The following ARFGEF2 variants were observed in gnomAD, a reference collection of about 807,000 sequenced individuals.
ARFGEF2 encodes brefeldin A-inhibited guanine nucleotide-exchange protein 2.
ARFGEF2 carries 74 observed loss-of-function variants against 219.9 expected under a neutral mutation model. That is an observed-to-expected ratio of 0.34 (90% CI 0.28 to 0.41). ARFGEF2 has a LOEUF of 0.41. ARFGEF2 is among the 10% of genes least tolerant of loss of function. The pLI, the probability that ARFGEF2 is intolerant of heterozygous loss-of-function variation, is 1.00. For synonymous variants in ARFGEF2, 733 were observed against 799.2 expected (o/e 0.92, Z 1.40); for missense variants, 1,743 against 2,218.3 (o/e 0.79, Z 4.30).
chr20:48,976,185 A>G lies in ARFGEF2; in HGVS notation c.1944A>G (p.Glu648=). ...EVIKQQKEII[E]HGIELFNKKP... ...TCAAGCAACAAAAAGAAATCATTGA[A>G]CACGGCATCGAGCTGTGAGTGGGGC... Residue 648 remains glutamate (E), a synonymous_variant, in exon 14 of 39, where the codon GAA becomes GAG. Transcript: ENST00000371917. 2 of 1,614,074 alleles carry G rather than the reference A, an allele frequency of 1.2e-6. No individual in the cohort carries two copies. Among genetic ancestry groups the G allele is most frequent in the Non-Finnish European group, 1.7e-6 (2 of 1,180,026 alleles).
Position 48,974,861 on chromosome 20 carries a change from C to T in ARFGEF2, c.1761C>T (p.His587=), listed in dbSNP as rs765054161. Residue 587 remains histidine, a synonymous_variant, in exon 13 of 39, where the codon CAC becomes CAT. Coordinates refer to ENST00000371917, the MANE Select transcript of ARFGEF2 (RefSeq NM_006420.3). ...WSKDLYVNPN[H]QTSLGQERLT... is the part of the protein sequence containing the mutation. ...AAGACCTGTATGTGAATCCCAACCACCAGACCAGCCTCGGTGAGACAGCAT... is the reference window on the plus strand; with the variant it reads ...AAGACCTGTATGTGAATCCCAACCATCAGACCAGCCTCGGTGAGACAGCAT... 3.1e-6 allele frequency: 5 copies of T among 1,613,548 alleles called. No homozygotes were observed. The African/African-American group carries it at 6.7e-5, about 22-fold the overall frequency.
intron 33 of ARFGEF2, 96 bp downstream of exon 33, chr20:49,017,646 G>C: frequency 8.0e-7 from 1 of 1,253,746 alleles, no homozygotes; most frequent in Non-Finnish European, 1.1e-6. Flanking sequence ...TTAATGGGAA[G>C]TGAGTAAAAT....
At chr20:49,000,229 G>A (rs2091417407) in intron 25 of ARFGEF2, among the ~76,000 whole-genome samples, 1 of 152,202 alleles carries the variant, frequency 6.6e-6, no homozygotes, top group South Asian at 2.1e-4. Flanking sequence ...AAAGTTCCTT[G>A]TTTTTCCATC....
At chr20:48,980,843 TC>T (rs1437732634) in intron 14 of ARFGEF2, among the ~76,000 whole-genome samples, 1 of 152,322 alleles carries the variant, frequency 6.6e-6, no homozygotes, top group East Asian at 1.9e-4. Context: ...TGGTAGATCT[TC>T]CTCCATCCCT....
In ARFGEF2 at chr20:48,976,458, C is replaced by T. The variant is rs545579281; in HGVS notation, c.1958+259C>T. Among the ~76,000 whole-genome samples, 210 of 152,120 alleles carry T rather than the reference C, an allele frequency of 1.4e-3. 4 individuals are homozygous for T. Among genetic ancestry groups the T allele is most frequent in the African/African-American group, 4.9e-3 (203 of 41,502 alleles). ...CCTTTTCTAATGAAAATAATAAAAC[C>T]AATTTAGAAAATACAGAAAAGTATA... On this transcript the variant is annotated intron_variant, in intron 14 of 38. Coordinates refer to ENST00000371917, the MANE Select transcript of ARFGEF2 (RefSeq NM_006420.3).
intron 26 of ARFGEF2, among the ~76,000 whole-genome samples, chr20:49,006,894 T>G (rs1310622199): frequency 4.0e-5 from 6 of 151,856 alleles, no homozygotes; most frequent in African/African-American, 1.5e-4. Flanking sequence ...TTTTTTTTTT[T>G]GACGGAGTCT....
chr20:48,923,682 A>G (rs2090857976), intron 1 of ARFGEF2, among the ~76,000 whole-genome samples: 1 of 152,252 alleles, frequency 6.6e-6, no homozygotes, highest in African/African-American at 2.4e-5. Context: ...CCTGGACTCT[A>G]TCTTCTCGAT....
chr20:48,951,288 C>T (rs2091069322), intron 3 of ARFGEF2, 35 bp from the exon 4 acceptor site: 2 of 1,612,710 alleles, frequency 1.2e-6, no homozygotes, highest in East Asian at 4.5e-5. Flanking sequence ...CCTAGCCAAG[C>T]AGAAATGTAT....
At chr20:48,971,938 T>G (rs2091231161) in intron 10 of ARFGEF2, among the ~76,000 whole-genome samples, 1 of 152,194 alleles carries the variant, frequency 6.6e-6, no homozygotes, top group African/African-American at 2.4e-5. Context: ...CTTATGTGCC[T>G]TTCATTTTAA....
chr20:48,969,355 G>T, intron 9 of ARFGEF2, 78 bp downstream of exon 9: 2 of 1,610,936 alleles, frequency 1.2e-6, no homozygotes, highest in Non-Finnish European at 1.7e-6. Flanking sequence ...CACTTCCCTT[G>T]TTCCAAGAAG....
chr20:48,995,417 CTG>C (rs1319776972), intron 22 of ARFGEF2, among the ~76,000 whole-genome samples: 4 of 152,152 alleles, frequency 2.6e-5, no homozygotes, highest in Admixed American at 2.6e-4. Flanking sequence ...TAATGAAAGT[CTG>C]TGAAGCACAC....
intron 3 of ARFGEF2, among the ~76,000 whole-genome samples, chr20:48,943,074 T>C (rs1243606324): frequency 6.6e-6 from 1 of 152,174 alleles, no homozygotes; most frequent in Admixed American, 6.5e-5. Flanking sequence ...TCGGGGTCCA[T>C]TGTAAACAGC....
chr20:48,985,669 T>C, intron 16 of ARFGEF2, 56 bp downstream of exon 16: 4 of 1,564,068 alleles, frequency 2.6e-6, no homozygotes, highest in Non-Finnish European at 3.5e-6. Flanking sequence ...CTCAGAACGC[T>C]AATTCTAATT....
intron 36 of ARFGEF2, among the ~76,000 whole-genome samples, chr20:49,028,037 C>T (rs1391097025): frequency 1.3e-5 from 2 of 152,148 alleles, no homozygotes; most frequent in Non-Finnish European, 2.9e-5. Flanking sequence ...GCAGGCAGAT[C>T]ACTTGAGGTC....
intron 34 of ARFGEF2, 93 bp downstream of exon 34, chr20:49,019,091 C>T (rs2091548571): frequency 9.3e-7 from 1 of 1,072,952 alleles, no homozygotes; most frequent in Admixed American, 2.0e-5. Flanking sequence ...GATAAGCCTT[C>T]TTCTGCCCTG....
intron 23 of ARFGEF2, among the ~76,000 whole-genome samples, chr20:48,996,299 C>CA (rs2091386485): frequency 6.7e-6 from 1 of 150,200 alleles, no homozygotes. Context: ...CTAAAAAATA[C>CA]AAAAAATTAG....
intron 37 of ARFGEF2, among the ~76,000 whole-genome samples, chr20:49,030,991 T>G (rs571767952): frequency 5.5e-4 from 84 of 152,110 alleles, no homozygotes; most frequent in African/African-American, 2.0e-3. Flanking sequence ...AGACTCCGTC[T>G]CAAAATAAAA....
chr20:48,937,099 A>G (rs2090963155), intron 1 of ARFGEF2, among the ~76,000 whole-genome samples: 1 of 152,176 alleles, frequency 6.6e-6, no homozygotes, highest in Non-Finnish European at 1.5e-5. Context: ...AACAAAAACA[A>G]AAGGTGCTGG....
chr20:48,971,331 A>G lies in ARFGEF2; in HGVS notation c.1402A>G (p.Met468Val), dbSNP rs759227223. The change falls in exon 10 of 39, where the codon ATG becomes GTG. Residue 468 changes from methionine to valine, a missense_variant. Met to Val is a conservative substitution (Grantham distance 21, BLOSUM62 1). Transcript: ENST00000371917. ...TCTTACTCTTCTTTCAAACTTTAAA[A>G]TGCACTTGAAAATGCAGATAGAGGT... is the stretch of plus-strand genomic sequence containing the variant. ...IFLTLLSNFK[M>V]HLKMQIEVFF... The G allele has an allele frequency of 3.7e-6, 6 of 1,614,194 alleles. No individual in the cohort carries two copies. The Admixed American group carries it at 1.0e-4, about 27-fold the overall frequency.
Sources: allele counts gnomAD v4.1 joint callset (sites outside exome capture counted in the v4.1 genomes callset), GRCh38; gene constraint gnomAD v4.1.1; transcripts MANE v1.5; gene names NCBI Gene and HGNC (gene_info 2026-07-23, HGNC 2026-07-21).